Variants in STARD13 observed in about 807,000 individuals in gnomAD.
The protein encoded by STARD13 is StAR related lipid transfer domain containing 13.
STARD13 carries 62 observed loss-of-function variants against 106.4 expected under a neutral mutation model. The observed-to-expected ratio is 0.58, with a 90% confidence interval of 0.48 to 0.72. STARD13 has a LOEUF of 0.72. Among genes scored for constraint, STARD13 ranks in the 30% least tolerant of loss-of-function variants. The probability of loss-of-function intolerance (pLI) is 0.00; values close to 1 mark genes in which losing one functional copy is unlikely to be tolerated. For missense variants in STARD13, 1,387 were observed against 1,424.0 expected (o/e 0.97, Z 0.42); for synonymous variants, 565 against 553.0 (o/e 1.02, Z -0.31).
intron 1 of STARD13, chr13:33,336,278 T>C (rs1849348688): frequency 6.6e-6 from 1 of 152,228 alleles, no homozygotes; most frequent in Non-Finnish European, 1.5e-5. Flanking sequence ...GTAAAACTTG[T>C]TATAACTCTT....
chr13:33,546,313 G>T, the STARD13 span, among the ~76,000 whole-genome samples: 2 of 152,148 alleles, frequency 1.3e-5, no homozygotes, highest in Non-Finnish European at 2.9e-5. Context: ...AGTTGATTCA[G>T]CTGTTAAAGG....
intron 1 of STARD13, among the ~76,000 whole-genome samples, chr13:33,326,988 C>A (rs980181462): frequency 6.6e-6 from 1 of 152,156 alleles, no homozygotes; most frequent in Non-Finnish European, 1.5e-5. Context: ...GAAAACTGAG[C>A]ATAATTCTGA....
intron 1 of STARD13, among the ~76,000 whole-genome samples, chr13:33,326,618 A>G (rs935187456): frequency 6.6e-6 from 1 of 152,214 alleles, no homozygotes; most frequent in Non-Finnish European, 1.5e-5. Flanking sequence ...TTAAAAATGC[A>G]GGTTCCTGGA....
chr13:33,111,894 T>C lies in STARD13; in HGVS notation c.2493-2A>G. On this transcript the variant is annotated splice_acceptor_variant, in intron 9 of 13. Coordinates refer to ENST00000336934, the MANE Select transcript of STARD13 (RefSeq NM_178006.4). LOFTEE classifies it high-confidence loss of function. ...GTGGCATATTTCTTCTGTATGACTC[T>C]GTAATTGAACGTGAGTGTGCTAAGC... 6.3e-7 allele frequency: 1 copy of C among 1,597,324 alleles called. No individual in the cohort carries two copies. The highest frequency in any genetic ancestry group is 1.1e-5 in the South Asian group (1 of 90,722).
chr13:33,265,287 G>C (rs1472050871), intron 1 of STARD13, among the ~76,000 whole-genome samples: 1 of 151,982 alleles, frequency 6.6e-6, no homozygotes, highest in Non-Finnish European at 1.5e-5. Flanking sequence ...AGGCAAATAT[G>C]TGCAATTTCC....
the STARD13 span, among the ~76,000 whole-genome samples, chr13:33,570,838 G>A: frequency 6.6e-6 from 1 of 152,162 alleles, no homozygotes; most frequent in Non-Finnish European, 1.5e-5. Flanking sequence ...AGGCTATTTA[G>A]TCAAGGTTAG....
At chr13:33,193,479 C>A (rs1164224742) in intron 1 of STARD13, among the ~76,000 whole-genome samples, 2 of 152,162 alleles carry the variant, frequency 1.3e-5, no homozygotes, top group Non-Finnish European at 2.9e-5. Context: ...CAACTCGAGG[C>A]TCTTTACTGT....
the STARD13 span, among the ~76,000 whole-genome samples, chr13:33,498,487 C>G: frequency 6.6e-6 from 1 of 151,982 alleles, no homozygotes; most frequent in Non-Finnish European, 1.5e-5. Context: ...GTAATAGGAC[C>G]TCTATTAATA....
the STARD13 span, among the ~76,000 whole-genome samples, chr13:33,362,300 G>C: frequency 2.0e-5 from 3 of 152,028 alleles, no homozygotes; most frequent in Admixed American, 2.0e-4. Context: ...AACTGACTGA[G>C]TGAGAACTCA....
chr13:33,600,311 T>C, the STARD13 span, among the ~76,000 whole-genome samples: 1 of 152,224 alleles, frequency 6.6e-6, no homozygotes, highest in Non-Finnish European at 1.5e-5. Context: ...TGACCCAGGA[T>C]TTTTTAAATC....
intron 1 of STARD13, among the ~76,000 whole-genome samples, chr13:33,245,344 C>T (rs1042691788): frequency 4.6e-5 from 7 of 152,142 alleles, no homozygotes; most frequent in South Asian, 2.1e-4. Flanking sequence ...AATCTTCATC[C>T]GCACTTACAT....
the STARD13 span, chr13:33,524,111 T>G: frequency 5.7e-6 from 2 of 352,344 alleles, no homozygotes; most frequent in Non-Finnish European, 8.4e-6. Context: ...AATGTTAAGT[T>G]TGAAAAAACA....
chr13:33,587,998 A>C, the STARD13 span, among the ~76,000 whole-genome samples: 6 of 152,220 alleles, frequency 3.9e-5, no homozygotes, highest in Non-Finnish European at 8.8e-5. Flanking sequence ...GAAAATTTAA[A>C]TTGACAAATA....
Position 33,118,876 on chromosome 13 carries a change from A to G in STARD13, c.2083-613T>C, listed in dbSNP as rs555059077. ...ATTTATTTACTTTTTCTTCTTTGGA[A>G]TTCTTGGCACTTACTTTTCTACCTG... On this transcript the variant is annotated intron_variant, in intron 7 of 13. Transcript: ENST00000336934. Among the ~76,000 whole-genome samples the G allele has an allele frequency of 2.0e-5, 3 of 152,300 alleles. No homozygotes were observed. The South Asian group carries it at 6.2e-4, about 32-fold the overall frequency.
chr13:33,653,600 A>G, the STARD13 span, among the ~76,000 whole-genome samples: 1 of 152,142 alleles, frequency 6.6e-6, no homozygotes, highest in Non-Finnish European at 1.5e-5. Flanking sequence ...AGAAGAATAA[A>G]TCTTTGTGGC....
intron 3 of STARD13, 97 bp from the exon 4 acceptor site, chr13:33,142,470 C>T: frequency 9.5e-7 from 1 of 1,050,090 alleles, no homozygotes; most frequent in East Asian, 2.4e-5. Context: ...GTTGAAACTG[C>T]AGGAACAACC....
chr13:33,552,171 T>G, the STARD13 span, among the ~76,000 whole-genome samples: 1 of 152,060 alleles, frequency 6.6e-6, no homozygotes, highest in African/African-American at 2.4e-5. Context: ...AAGAGAGATA[T>G]AGACAATAAT....
At chr13:33,215,998 T>C (rs990265920) in intron 1 of STARD13, among the ~76,000 whole-genome samples, 1 of 152,064 alleles carries the variant, frequency 6.6e-6, no homozygotes, top group South Asian at 2.1e-4. Flanking sequence ...ATGCAAATCT[T>C]AAAACCACAA....
intron 1 of STARD13, among the ~76,000 whole-genome samples, chr13:33,249,268 C>T (rs932732656): frequency 6.6e-6 from 1 of 152,220 alleles, no homozygotes; most frequent in Non-Finnish European, 1.5e-5. Flanking sequence ...CCTAAGAGAA[C>T]ACACTAACTC....
Sources: gnomAD v4.1 joint callset for allele counts (sites outside exome capture counted in the v4.1 genomes callset) on GRCh38, gnomAD v4.1.1 for gene constraint, MANE v1.5 for transcripts, NCBI Gene and HGNC (gene_info 2026-07-23, HGNC 2026-07-21) for gene names.